SSR3: variants seen among roughly 807,000 people sequenced by gnomAD.
SSR3 encodes signal sequence receptor subunit 3.
In SSR3, 10 loss-of-function variants were observed where a neutral mutation model predicts 22.1. The observed-to-expected ratio is 0.45, with a 90% CI of 0.28 to 0.77. The LOEUF (loss-of-function observed/expected upper bound fraction) is 0.77. Among genes scored for constraint, SSR3 ranks in the 30% least tolerant of loss-of-function variants. SSR3 has a pLI of 0.13. For missense variants in SSR3, 181 were observed against 220.5 expected (o/e 0.82, Z 1.13); for synonymous variants, 104 against 82.5 (o/e 1.26, Z -1.42).
At position 156,554,331 on chromosome 3, in the gene SSR3, G is replaced by A. The variant is rs560028768; in HGVS notation, c.134-550C>T. ...CAAAAGACAGGAGTTCTGGAAACTT[G>A]AGCTCTACTAAAAACGACCTTGTCC... On this transcript the variant is annotated intron_variant, in intron 1 of 4. Coordinates refer to ENST00000265044, the MANE Select transcript of SSR3 (RefSeq NM_007107.5). Among the ~76,000 whole-genome samples the A allele has an allele frequency of 7.9e-4, 120 of 152,328 alleles. 1 individual carries two copies. The highest frequency in any genetic ancestry group is 2.8e-3 in the African/African-American group (117 of 41,568).
At chr3:156,549,890 G>A (rs774144204) in intron 2 of SSR3, among the ~76,000 whole-genome samples, 1 of 152,154 alleles carries the variant, frequency 6.6e-6, no homozygotes, top group Non-Finnish European at 1.5e-5. Context: ...TGCTAAGGGG[G>A]CAGAGAGCTG....
chr3:156,554,937 G>C lies in SSR3; in HGVS notation c.133+20C>G. 1 of 1,609,148 alleles carries C rather than the reference G, an allele frequency of 6.2e-7. No homozygotes were observed. The highest frequency in any genetic ancestry group is 8.5e-7 in the Non-Finnish European group (1 of 1,178,078). On this transcript the variant is annotated intron_variant, in intron 1 of 4. Coordinates refer to ENST00000265044, the MANE Select transcript of SSR3 (RefSeq NM_007107.5). ...GACTAGCCGGCGGCCTGCCTAACCC[G>C]CCTCGCTCCCAGCACTCACAGATGG...
At chr3:156,547,301 C>T (rs1463726335) in intron 3 of SSR3, among the ~76,000 whole-genome samples, 2 of 152,044 alleles carry the variant, frequency 1.3e-5, no homozygotes, top group Admixed American at 6.6e-5. Context: ...AGAAAGATTC[C>T]GAGACATAAC....
chr3:156,551,537 G>C (rs1472499765), intron 2 of SSR3: 2 of 152,168 alleles, frequency 1.3e-5, no homozygotes, highest in African/African-American at 4.8e-5. Flanking sequence ...AGATAACAAA[G>C]ATAACCCAAT....
rs755632456 is a variant in SSR3 at position 156,553,615 on chromosome 3, T to C, written c.260+40A>G. ...ATCTTTAAGAAGACATATAAAAATA[T>C]AACATGTAGTACGTACTTTCACTTG... On this transcript the variant is annotated intron_variant, in intron 2 of 4. Transcript: ENST00000265044. 8.8e-6 allele frequency: 14 copies of C among 1,582,358 alleles called. No homozygotes were observed. In the East Asian group the frequency reaches 9.0e-5, roughly 10 times the overall value.
chr3:156,540,993 G>T lies in SSR3; in HGVS notation c.*2210C>A, dbSNP rs1230009307. ...TATATGCTTTATAATCTTATGCACAGAAATGTATCTATTAGTACAGAAAGT... is the reference window on the plus strand; with the variant it reads ...TATATGCTTTATAATCTTATGCACATAAATGTATCTATTAGTACAGAAAGT... On this transcript the variant is annotated 3_prime_UTR_variant, in exon 5 of 5. Coordinates refer to ENST00000265044, the MANE Select transcript of SSR3 (RefSeq NM_007107.5). The T allele has an allele frequency of 1.3e-5, 2 of 152,160 alleles. No individual in the cohort carries two copies. The highest frequency in any genetic ancestry group is 4.8e-5 in the African/African-American group (2 of 41,432). 9.4% of individuals were successfully genotyped at this position (152,160 alleles called of 1,614,324 possible).
At chr3:156,548,109 C>G (rs1719825285) in intron 3 of SSR3, among the ~76,000 whole-genome samples, 1 of 152,190 alleles carries the variant, frequency 6.6e-6, no homozygotes, top group African/African-American at 2.4e-5. Flanking sequence ...AACAAAGCAT[C>G]TTCTTGATAC....
At chr3:156,547,282 A>T (rs2108447459) in intron 3 of SSR3, among the ~76,000 whole-genome samples, 2 of 152,318 alleles carry the variant, frequency 1.3e-5, no homozygotes, top group South Asian at 4.1e-4. Flanking sequence ...CTACCTGAAC[A>T]CTAAACTGAG....
intron 3 of SSR3, among the ~76,000 whole-genome samples, chr3:156,547,689 CT>C (rs1719811344): frequency 6.6e-6 from 1 of 152,152 alleles, no homozygotes; most frequent in African/African-American, 2.4e-5. Flanking sequence ...GTTTTGGTAC[CT>C]TTCCAAAACC....
At chr3:156,545,394 AT>A (rs915695179) in intron 3 of SSR3, among the ~76,000 whole-genome samples, 35 of 152,284 alleles carry the variant, frequency 2.3e-4, no homozygotes, top group African/African-American at 7.5e-4. Flanking sequence ...TAAAATACAT[AT>A]TTTTTACTGT....
chr3:156,545,943 T>A (rs147374684), intron 3 of SSR3, among the ~76,000 whole-genome samples: 1 of 152,346 alleles, frequency 6.6e-6, no homozygotes, highest in Admixed American at 6.5e-5. Context: ...GACTCCGGCA[T>A]GAGACCCAGT....
At chr3:156,548,119 C>A (rs1719825689) in intron 3 of SSR3, among the ~76,000 whole-genome samples, 1 of 152,184 alleles carries the variant, frequency 6.6e-6, no homozygotes, top group African/African-American at 2.4e-5. Context: ...CTTCTTGATA[C>A]TGAAACAAAA....
chr3:156,546,648 GA>G (rs1256939280), intron 3 of SSR3, among the ~76,000 whole-genome samples: 1 of 152,166 alleles, frequency 6.6e-6, no homozygotes, highest in African/African-American at 2.4e-5. Flanking sequence ...CTGCCTAGTA[GA>G]AGACATTTTC....
chr3:156,546,821 A>G (rs956769767), intron 3 of SSR3, among the ~76,000 whole-genome samples: 1 of 152,254 alleles, frequency 6.6e-6, no homozygotes, highest in Non-Finnish European at 1.5e-5. Context: ...AATGAATGTT[A>G]ATGAATCTCA....
chr3:156,543,138 T>A lies in SSR3; in HGVS notation c.*65A>T. On this transcript the variant is annotated 3_prime_UTR_variant, in exon 5 of 5. Transcript: ENST00000265044. The stretch of plus-strand genomic sequence containing the variant: ...CTTGTGTCTCCCACCCTGACCACCC[T>A]GCTACTTTTCCATATACCACAGGCC... The A allele has an allele frequency of 6.9e-7, 1 of 1,453,610 alleles. No homozygotes were observed. Among genetic ancestry groups the A allele is most frequent in the Non-Finnish European group, 9.6e-7 (1 of 1,040,936 alleles). The allele number at this position is 1,453,610 out of a possible 1,614,324, so 90.0% of individuals were successfully genotyped here. A position where few individuals can be genotyped will look rare whatever the true frequency, so the allele number is the denominator to read the frequency against.
intron 2 of SSR3, among the ~76,000 whole-genome samples, chr3:156,549,543 A>G (rs1559945043): frequency 6.6e-6 from 1 of 152,216 alleles, no homozygotes; most frequent in Non-Finnish European, 1.5e-5. Context: ...CAGGTCATTC[A>G]AGGCAGGAGT....
intron 1 of SSR3, chr3:156,554,710 T>C: frequency 7.7e-6 from 4 of 520,140 alleles, no homozygotes; most frequent in South Asian, 7.4e-5. Context: ...CACCTTCTCC[T>C]GGGGTGGAGC....
At chr3:156,553,458 G>A (rs1013698403) in intron 2 of SSR3, among the ~76,000 whole-genome samples, 197 bp downstream of exon 2, 6 of 152,040 alleles carry the variant, frequency 3.9e-5, no homozygotes, top group Admixed American at 6.5e-5. Flanking sequence ...TTCTGTAGCC[G>A]TGTCAGAATG....
At chr3:156,551,319 AATGTT>A (rs1268288377) in intron 2 of SSR3, 1 of 152,210 alleles carries the variant, frequency 6.6e-6, no homozygotes, top group Non-Finnish European at 1.5e-5. Context: ...ATGAATGAAA[AATGTT>A]ATGAAGAATA....
Sources: allele counts gnomAD v4.1 joint callset (sites outside exome capture counted in the v4.1 genomes callset), GRCh38; gene constraint gnomAD v4.1.1; transcripts MANE v1.5; gene names NCBI Gene and HGNC (gene_info 2026-07-23, HGNC 2026-07-21).